The following KMT2A variants were observed in gnomAD, a reference collection of about 807,000 sequenced individuals.
KMT2A encodes the protein histone-lysine N-methyltransferase 2A.
In KMT2A, 16 loss-of-function variants were observed where a neutral mutation model predicts 345.3. The observed-to-expected ratio is 0.05, with a 90% CI of 0.03 to 0.07. The LOEUF (loss-of-function observed/expected upper bound fraction) is 0.07, where lower values mean the gene tolerates loss of function less well. Ranked by LOEUF, KMT2A falls within the 10% of genes least tolerant of loss-of-function variation. The probability of loss-of-function intolerance (pLI) is 1.00; values close to 1 mark genes in which losing one functional copy is unlikely to be tolerated. For missense variants in KMT2A, 3,272 were observed against 4,841.6 expected (o/e 0.68, Z 9.62); for synonymous variants, 1,599 against 1,778.6 (o/e 0.90, Z 2.54).
rs1950380085 is a variant in KMT2A at position 118,494,883 on chromosome 11, A to C, written c.5363+116A>C. The C allele has an allele frequency of 1.3e-6, 1 of 785,932 alleles. No individual in the cohort carries two copies. Among genetic ancestry groups the C allele is most frequent in the Non-Finnish European group, 2.1e-6 (1 of 470,450 alleles). The allele number at this position is 785,932 out of a possible 1,614,324, so 48.7% of individuals were successfully genotyped here. On this transcript the variant is annotated intron_variant, in intron 18 of 35. Transcript: ENST00000534358. The surrounding 1 kb of genome is among the most constrained non-coding windows in gnomAD (Gnocchi z 5.8). ...TTAATACTAGAAATGAATTGGTTGA[A>C]ATGCCTTTTCGGTGTGGTTTTGAGG...
intron 1 of KMT2A, among the ~76,000 whole-genome samples, chr11:118,460,251 T>C (rs1351646323): frequency 2.6e-5 from 4 of 152,200 alleles, no homozygotes; most frequent in Non-Finnish European, 4.4e-5. Flanking sequence ...AATTTGAATA[T>C]TTCTCCATGA....
chr11:118,500,662 C>T (rs1397113297), intron 24 of KMT2A: 6 of 183,538 alleles, frequency 3.3e-5, no homozygotes, highest in South Asian at 1.6e-4. Flanking sequence ...GGCAATAGTT[C>T]GGTCCTGAAG....
intron 29 of KMT2A, 57 bp from the exon 30 acceptor site, chr11:118,509,891 A>G: frequency 7.9e-7 from 1 of 1,272,510 alleles, no homozygotes; most frequent in East Asian, 2.3e-5. Context: ...CTCTACATGT[A>G]GTCAGTGCTC....
intron 3 of KMT2A, among the ~76,000 whole-genome samples, chr11:118,475,656 G>A (rs1337674584): frequency 6.6e-6 from 1 of 152,082 alleles, no homozygotes; most frequent in Non-Finnish European, 1.5e-5. Flanking sequence ...CCGGGAGGCG[G>A]AGGTTGCAGT....
intron 1 of KMT2A, among the ~76,000 whole-genome samples, chr11:118,456,849 C>T (rs1173419324): frequency 6.6e-6 from 1 of 152,196 alleles, no homozygotes; most frequent in Non-Finnish European, 1.5e-5. Flanking sequence ...AAAATGATCT[C>T]TCTTCCCACT....
Position 118,474,571 on chromosome 11 carries a change from G to T in KMT2A, c.3156+256G>T, listed in dbSNP as rs9332776. On this transcript the variant is annotated intron_variant, in intron 3 of 35. Coordinates refer to ENST00000534358, the MANE Select transcript of KMT2A (RefSeq NM_001197104.2). ...TAAGAAATATATTTGAGGAATACTG[G>T]ATAGCTGGATTGGCATCTGTGGAAA... Among the ~76,000 whole-genome samples the T allele has an allele frequency of 7.2e-5, 11 of 152,320 alleles. 1 individual carries two copies. In the East Asian group the frequency reaches 1.5e-3, roughly 21 times the overall value.
At chr11:118,438,868 T>C (rs1555139438) in intron 1 of KMT2A, among the ~76,000 whole-genome samples, 1 of 152,176 alleles carries the variant, frequency 6.6e-6, no homozygotes. Context: ...TGTAGCTAGC[T>C]GCAGCGTCCC....
rs1296518744 is a variant in KMT2A at position 118,484,008 on chromosome 11, G to C, written c.4087-175G>C. 6.6e-6 allele frequency among the ~76,000 whole-genome samples: 1 copy of C among 152,054 alleles called. No individual in the cohort carries two copies. Among genetic ancestry groups the C allele is most frequent in the East Asian group, 1.9e-4 (1 of 5,200 alleles). ...GACTGTGCCACTGTATTGCAGCCTA[G>C]GCAACAAAGCAAGACCCAGTCTCTT... On this transcript the variant is annotated intron_variant, in intron 8 of 35. Transcript: ENST00000534358. This position sits in a 1 kb window ranked among gnomAD's most constrained non-coding sequence, Gnocchi z 4.1.
In KMT2A at chr11:118,490,034, T is replaced by C. The variant is rs2134333827; in HGVS notation, c.4576-95T>C. 6.9e-7 allele frequency: 1 copy of C among 1,451,396 alleles called. No homozygotes were observed. The highest frequency in any genetic ancestry group is 1.4e-5 in the African/African-American group (1 of 70,356). The allele number at this position is 1,451,396 out of a possible 1,614,324, so 89.9% of individuals were successfully genotyped here. Reference sequence around the variant, plus strand: ...CTAGGAAATCATCTCAGCAGAGAAATTAAATCTATAAATGGATGCATTTAA... The same window carrying C: ...CTAGGAAATCATCTCAGCAGAGAAACTAAATCTATAAATGGATGCATTTAA... On this transcript the variant is annotated intron_variant, in intron 12 of 35. Transcript: ENST00000534358. The surrounding 1 kb of genome is among the most constrained non-coding windows in gnomAD (Gnocchi z 4.2).
chr11:118,483,598 T>C (rs1950180440), intron 8 of KMT2A, among the ~76,000 whole-genome samples: 1 of 152,230 alleles, frequency 6.6e-6, no homozygotes, highest in Admixed American at 6.5e-5. Flanking sequence ...GCTTTTCCCT[T>C]CTTTGTGGCC....
intron 1 of KMT2A, among the ~76,000 whole-genome samples, chr11:118,444,313 A>C (rs1555026600): frequency 1.3e-5 from 2 of 152,200 alleles, no homozygotes; most frequent in Non-Finnish European, 1.5e-5. Flanking sequence ...TATTGCCTTT[A>C]ATTATAAGCA....
Position 118,503,990 on chromosome 11 carries a change from C to A in KMT2A, c.8098C>A (p.Leu2700Met), listed in dbSNP as rs1301701221. Residue 2700 changes from leucine (L) to methionine (M), a missense_variant, in exon 27 of 36, where the codon CTG becomes ATG. Around this residue, in one of 27 missense-constraint regions of KMT2A, gnomAD observed 47 missense variants for 53.6 expected, o/e 0.88. Transcript: ENST00000534358. The surrounding 1 kb of genome is among the most constrained non-coding windows in gnomAD (Gnocchi z 5.3). ...TVISSGGEER[L>M]ASHNLFREEE... ...GATTTCTTCAGGTGGAGAGGAACGA[C>A]TGGCATCCCATAATTTATTTCGGGA... The A allele has an allele frequency of 6.2e-6, 10 of 1,614,092 alleles. No individual in the cohort carries two copies. Among genetic ancestry groups the A allele is most frequent in the Non-Finnish European group, 8.5e-6 (10 of 1,180,036 alleles).
chr11:118,455,861 GT>G (rs1555030669), intron 1 of KMT2A, among the ~76,000 whole-genome samples: 1 of 151,532 alleles, frequency 6.6e-6, no homozygotes, highest in African/African-American at 2.4e-5. Context: ...TAATTTTTGT[GT>G]TTTTCTTTGT....
intron 1 of KMT2A, among the ~76,000 whole-genome samples, chr11:118,456,523 A>G (rs1949646873): frequency 6.6e-6 from 1 of 151,926 alleles, no homozygotes; most frequent in Admixed American, 6.5e-5. Flanking sequence ...TGTTTTTAGT[A>G]GAGATGGGGT....
chr11:118,468,095 C>G (rs1555034556), intron 1 of KMT2A, among the ~76,000 whole-genome samples: 1 of 151,960 alleles, frequency 6.6e-6, no homozygotes, highest in Admixed American at 6.5e-5. Context: ...AAATAGGATG[C>G]TTCCCTAAGT....
At position 118,495,357 on chromosome 11, in the gene KMT2A, C is replaced by T. The variant is rs9332821; in HGVS notation, c.5364-343C>T. 4.7e-3 allele frequency among the ~76,000 whole-genome samples: 713 copies of T among 152,022 alleles called. 4 individuals carry two copies. The highest frequency in any genetic ancestry group is 7.1e-3 in the Non-Finnish European group (484 of 67,964). On this transcript the variant is annotated intron_variant, in intron 18 of 35. Transcript: ENST00000534358. The surrounding 1 kb of genome is among the most constrained non-coding windows in gnomAD (Gnocchi z 4.1). ...TATTTTAATAGAGACTGGGTTTCAC[C>T]ATTTTGGCCAGGATGGTCTTGATCT...
Position 118,484,322 on chromosome 11 carries a change from T to C in KMT2A, c.4218+8T>C. 6.2e-7 allele frequency: 1 copy of C among 1,613,328 alleles called. No homozygotes were observed. ...ATCAGAGTGGACTTTAAGGTAAAGG[T>C]GTTCAGTGATCATAAAGTATATTGA... On this transcript the variant is annotated splice_region_variant and intron_variant, in intron 9 of 35. Coordinates refer to ENST00000534358, the MANE Select transcript of KMT2A (RefSeq NM_001197104.2). This position sits in a 1 kb window ranked among gnomAD's most constrained non-coding sequence, Gnocchi z 4.1.
At chr11:118,466,334 A>G (rs1347727183) in intron 1 of KMT2A, among the ~76,000 whole-genome samples, 2 of 152,158 alleles carry the variant, frequency 1.3e-5, no homozygotes, top group Admixed American at 6.5e-5. Context: ...GGCAAATTTT[A>G]AAATTTTCTG....
intron 15 of KMT2A, among the ~76,000 whole-genome samples, chr11:118,492,272 C>T (rs1950336129): frequency 6.6e-6 from 1 of 152,178 alleles, no homozygotes; most frequent in African/African-American, 2.4e-5. Flanking sequence ...ACTGGAGACA[C>T]CTGAGCCTAG....
Sources: allele counts gnomAD v4.1 joint callset (sites outside exome capture counted in the v4.1 genomes callset), GRCh38; gene constraint gnomAD v4.1.1; regional missense constraint gnomAD v4.1.1; non-coding constraint Gnocchi (gnomAD v3.1); transcripts MANE v1.5; gene names NCBI Gene and HGNC (gene_info 2026-07-23, HGNC 2026-07-21).